CDH18: variants seen among roughly 807,000 people sequenced by gnomAD.
CDH18 encodes the protein cadherin 18, also known as cadherin-18.
CDH18 carries 31 observed loss-of-function variants against 67.9 expected under a neutral mutation model. The ratio of observed to expected loss-of-function variants is 0.46; its 90% CI spans 0.34 to 0.62. CDH18 has a LOEUF of 0.62. Ranked by LOEUF, CDH18 falls within the 20% of genes least tolerant of loss-of-function variation. The pLI is 0.01. For missense variants in CDH18, 890 were observed against 975.5 expected (o/e 0.91, Z 1.17); for synonymous variants, 362 against 347.2 (o/e 1.04, Z -0.48).
intron 8 of CDH18, among the ~76,000 whole-genome samples, chr5:19,565,246 T>A (rs1190219679): frequency 6.6e-6 from 1 of 152,142 alleles, no homozygotes; most frequent in Non-Finnish European, 1.5e-5. Flanking sequence ...TGAGATCCAG[T>A]GATATGTTCA....
intron 1 of CDH18, among the ~76,000 whole-genome samples, chr5:20,288,638 A>T (rs1746868701): frequency 6.6e-6 from 1 of 151,852 alleles, no homozygotes; most frequent in South Asian, 2.1e-4. Flanking sequence ...CATCAAACCA[A>T]CGAAGAGTGA....
intron 2 of CDH18, among the ~76,000 whole-genome samples, chr5:20,186,219 A>G (rs1738089661): frequency 6.6e-6 from 1 of 152,026 alleles, no homozygotes; most frequent in South Asian, 2.1e-4. Flanking sequence ...CATGGGAAAC[A>G]TTGTCATGGC....
rs559030903 is a variant in CDH18, at chr5:20,427,302, C to T, written c.-580+148160G>A. ...TAATTATACAGTAGAGAAAATGTATCTTAGAAAGTGTTCATGTTATTTTAC... is the reference window on the plus strand; with the variant it reads ...TAATTATACAGTAGAGAAAATGTATTTTAGAAAGTGTTCATGTTATTTTAC... On this transcript the variant is annotated intron_variant, in intron 1 of 14. Coordinates refer to the CDH18 transcript ENST00000507958. Among the ~76,000 whole-genome samples the T allele has an allele frequency of 5.3e-5, 8 of 151,130 alleles. No individual in the cohort carries two copies. In the South Asian group the frequency reaches 1.4e-3, roughly 27 times the overall value.
At chr5:19,574,889 A>C (rs1742064568) in intron 7 of CDH18, among the ~76,000 whole-genome samples, 1 of 152,068 alleles carries the variant, frequency 6.6e-6, no homozygotes, top group African/African-American at 2.4e-5. Flanking sequence ...AAATACAAAA[A>C]TTAGCCGGGT....
chr5:19,861,354 G>A (rs1162899111), intron 2 of CDH18, among the ~76,000 whole-genome samples: 10 of 152,016 alleles, frequency 6.6e-5, no homozygotes, highest in Non-Finnish European at 4.4e-5. Flanking sequence ...AGCCCCAAGT[G>A]GTGTACCCAG....
At chr5:20,332,032 T>C (rs1739235996) in intron 1 of CDH18, among the ~76,000 whole-genome samples, 1 of 152,140 alleles carries the variant, frequency 6.6e-6, no homozygotes, top group Admixed American at 6.5e-5. Flanking sequence ...TGCCTACAAG[T>C]TGTGGCCTGT....
At chr5:19,647,181 CA>C (rs1754878277) in intron 5 of CDH18, among the ~76,000 whole-genome samples, 1 of 151,810 alleles carries the variant, frequency 6.6e-6, no homozygotes, top group Non-Finnish European at 1.5e-5. Flanking sequence ...GCAAGAAATG[CA>C]AAATTTTGGA....
intron 2 of CDH18, among the ~76,000 whole-genome samples, chr5:19,896,973 T>G (rs935147053): frequency 6.6e-6 from 1 of 152,172 alleles, no homozygotes; most frequent in Admixed American, 6.5e-5. Flanking sequence ...ATAGAGTTGT[T>G]TCATTGTTAG....
chr5:19,592,130 A>G (rs1197823253), intron 6 of CDH18, among the ~76,000 whole-genome samples: 4 of 152,042 alleles, frequency 2.6e-5, no homozygotes, highest in Non-Finnish European at 5.9e-5. Flanking sequence ...AGAATTAATG[A>G]GATTTCACAC....
At chr5:20,192,799 T>C (rs1015000630) in intron 2 of CDH18, among the ~76,000 whole-genome samples, 2 of 152,186 alleles carry the variant, frequency 1.3e-5, no homozygotes, top group African/African-American at 2.4e-5. Flanking sequence ...CCTCCAGCTT[T>C]ATTCCTTTTG....
intron 5 of CDH18, among the ~76,000 whole-genome samples, chr5:19,649,610 C>T (rs77256678): frequency 0.014 from 2,055 of 152,048 alleles, 46 homozygotes; most frequent in African/African-American, 0.047. Context: ...GCAATAGACA[C>T]TTTAAAAAGG....
At chr5:19,741,239 AT>A (rs1769118609) in intron 4 of CDH18, among the ~76,000 whole-genome samples, 1 of 26,212 alleles carries the variant, frequency 3.8e-5, no homozygotes, top group African/African-American at 4.5e-5. Flanking sequence ...ATATATGTAC[AT>A]ATATGTATGT....
intron 2 of CDH18, among the ~76,000 whole-genome samples, chr5:20,233,052 T>C (rs1271302596): frequency 2.6e-5 from 4 of 151,902 alleles, no homozygotes; most frequent in Admixed American, 6.6e-5. Flanking sequence ...AGTTAATATA[T>C]ACAGCTTTCT....
At chr5:20,300,562 T>C (rs552043291) in intron 1 of CDH18, among the ~76,000 whole-genome samples, 20 of 152,244 alleles carry the variant, frequency 1.3e-4, no homozygotes, top group African/African-American at 4.3e-4. Context: ...CATTTTCATG[T>C]AGCCCCCGGG....
chr5:20,172,614 G>T (rs971786029), intron 2 of CDH18, among the ~76,000 whole-genome samples: 1 of 151,690 alleles, frequency 6.6e-6, no homozygotes, highest in Non-Finnish European at 1.5e-5. Flanking sequence ...AAATATTGAG[G>T]GAACAAGGGA....
At chr5:19,787,137 A>G (rs1458114374) in intron 3 of CDH18, among the ~76,000 whole-genome samples, 2 of 151,984 alleles carry the variant, frequency 1.3e-5, no homozygotes, top group African/African-American at 2.4e-5. Flanking sequence ...CTATGCCACA[A>G]CTCTGAGATA....
At chr5:19,980,858 C>A (rs930087363) in intron 2 of CDH18, among the ~76,000 whole-genome samples, 1 of 152,144 alleles carries the variant, frequency 6.6e-6, no homozygotes, top group Admixed American at 6.6e-5. Flanking sequence ...GTCTTTACTT[C>A]TACTGCCTCT....
intron 2 of CDH18, among the ~76,000 whole-genome samples, chr5:20,187,900 C>G (rs1041861411): frequency 4.0e-5 from 6 of 151,534 alleles, no homozygotes; most frequent in African/African-American, 1.5e-4. Flanking sequence ...TATTCCAAAG[C>G]TTATTTGAAC....
At chr5:19,882,114 C>G (rs922113911) in intron 2 of CDH18, among the ~76,000 whole-genome samples, 1 of 151,718 alleles carries the variant, frequency 6.6e-6, no homozygotes, top group African/African-American at 2.4e-5. Context: ...ATTCTGTGTT[C>G]AAAAATCATC....
Sources: gnomAD v4.1 joint callset for allele counts (sites outside exome capture counted in the v4.1 genomes callset) on GRCh38, gnomAD v4.1.1 for gene constraint, MANE v1.5 for transcripts, NCBI Gene and HGNC (gene_info 2026-07-23, HGNC 2026-07-21) for gene names.